FMO5: variants seen among roughly 807,000 people sequenced by gnomAD.
FMO5 encodes flavin containing dimethylaniline monoxygenase 5.
FMO5 carries 51 observed loss-of-function variants against 43.6 expected under a neutral mutation model. The observed-to-expected ratio is 1.17, with a 90% CI of 0.93 to 1.48. The LOEUF (loss-of-function observed/expected upper bound fraction) is 1.48, where lower values mean the gene tolerates loss of function less well. Among genes scored for constraint, FMO5 ranks in the 40% most tolerant of loss-of-function variants. The pLI is 0.00. For missense variants in FMO5, 644 were observed against 643.0 expected (o/e 1.00, Z -0.02); for synonymous variants, 187 against 216.5 (o/e 0.86, Z 1.20).
rs782502476 is a variant in FMO5 at position 147,201,392 on chromosome 1, C to T, written c.943G>A (p.Glu315Lys). The T allele has an allele frequency of 1.9e-6, 3 of 1,614,082 alleles. No homozygotes were observed. Among genetic ancestry groups the T allele is most frequent in the South Asian group, 1.1e-5 (1 of 91,082 alleles). ...ATGTCATCCTCCCTGGAGCCATCCT[C>T]AAATATGGCAGCTGTCTCCGTGAAT... ...KEFTETAAIF[E>K]DGSREDDIDA... Residue 315 changes from glutamate (E) to lysine (K), a missense_variant, in exon 7 of 9, where the codon GAG becomes AAG. Glu to Lys is a moderately conservative substitution (Grantham distance 56, BLOSUM62 1). Coordinates refer to ENST00000254090, the MANE Select transcript of FMO5 (RefSeq NM_001461.4).
intron 2 of FMO5, among the ~76,000 whole-genome samples, chr1:147,218,305 A>C (rs1662366759): frequency 6.6e-6 from 1 of 150,730 alleles, no homozygotes; most frequent in African/African-American, 2.4e-5. Context: ...GCACGATCTC[A>C]GCTCCCTGCA....
chr1:147,223,630 A>T, intron 2 of FMO5: 1 of 156,696 alleles, frequency 6.4e-6, no homozygotes. Context: ...AAGACAAAAA[A>T]GTTGTGAATC....
At chr1:147,217,132 C>CG (rs1368086327) in intron 2 of FMO5, among the ~76,000 whole-genome samples, 2 of 151,750 alleles carry the variant, frequency 1.3e-5, no homozygotes, top group African/African-American at 2.4e-5. Flanking sequence ...CCCAGCTAGT[C>CG]GGGGGGCTGA....
At chr1:147,225,361 T>G (rs888865706), upstream of FMO5, 2 of 290,708 alleles carry the variant, frequency 6.9e-6, no homozygotes, top group Non-Finnish European at 6.5e-6. Flanking sequence ...GTTGTCAAAT[T>G]ACTATAAACC....
chr1:147,208,794 A>G lies in FMO5; in HGVS notation c.830+58T>C, dbSNP rs782261764. ...GTGGCTTTACTATTAGCCAGTGTGA[A>G]GAGTCCTTATTCTTGTGCTTTGGCC... On this transcript the variant is annotated intron_variant, in intron 6 of 8. Transcript: ENST00000254090. 6.3e-6 allele frequency: 9 copies of G among 1,423,746 alleles called. No individual in the cohort carries two copies. In the Admixed American group the frequency reaches 1.2e-4, roughly 19 times the overall value. 88.2% of individuals were successfully genotyped at this position (1,423,746 alleles called of 1,614,324 possible). A position where few individuals can be genotyped will look rare whatever the true frequency, so the allele number is the denominator to read the frequency against.
At chr1:147,213,734 C>T (rs1553924362) in intron 3 of FMO5, among the ~76,000 whole-genome samples, 2 of 152,162 alleles carry the variant, frequency 1.3e-5, no homozygotes, top group African/African-American at 2.4e-5. Flanking sequence ...GTCTCTTGGT[C>T]CAGGTCCTAA....
chr1:147,189,394 AG>A (rs1553917937), intron 8 of FMO5, among the ~76,000 whole-genome samples: 1 of 152,122 alleles, frequency 6.6e-6, no homozygotes, highest in African/African-American at 2.4e-5. Flanking sequence ...GAAAGGAAGG[AG>A]GAAAATAGGA....
At chr1:147,218,487 C>T (rs147085239) in intron 2 of FMO5, among the ~76,000 whole-genome samples, 1,932 of 152,186 alleles carry the variant, frequency 0.013, 41 homozygotes, top group African/African-American at 0.045. Context: ...CCGCCCGCCT[C>T]AGCCTCCCAA....
At chr1:147,188,522 C>CAAAAAA (rs10552833) in intron 8 of FMO5, among the ~76,000 whole-genome samples, 14 of 61,220 alleles carry the variant, frequency 2.3e-4, no homozygotes, top group African/African-American at 3.8e-4. Context: ...GACCCCATAT[C>CAAAAAA]AAAAAAAAAA....
intron 4 of FMO5, 113 bp downstream of exon 4, chr1:147,213,195 A>G: frequency 1.2e-6 from 1 of 830,558 alleles, no homozygotes; most frequent in South Asian, 3.3e-5. Context: ...AATAATTAGG[A>G]TAAGTCTTAC....
rs2297754 is a variant in FMO5 at position 147,213,525 on chromosome 1, T to C, written c.325-55A>G. 4,925 of 1,489,132 alleles carry C rather than the reference T, an allele frequency of 3.3e-3. 84 individuals are homozygous for C. In the East Asian group the frequency reaches 0.037, roughly 11 times the overall value. 92.2% of individuals were successfully genotyped at this position (1,489,132 alleles called of 1,614,324 possible). Reference sequence around the variant, plus strand: ...CATCCCTGACATGACTCTCCTTGCATAGTGTTACACAAAGGGCTGATATCA... The same window carrying C: ...CATCCCTGACATGACTCTCCTTGCACAGTGTTACACAAAGGGCTGATATCA... On this transcript the variant is annotated intron_variant, in intron 3 of 8. Transcript: ENST00000254090.
chr1:147,194,193 G>A (rs1657487325), intron 7 of FMO5, among the ~76,000 whole-genome samples: 1 of 152,122 alleles, frequency 6.6e-6, no homozygotes, highest in South Asian at 2.1e-4. Flanking sequence ...GGGTGCTCCT[G>A]CATTGGGTGC....
chr1:147,191,620 C>T lies in FMO5; in HGVS notation c.1184-1371G>A, dbSNP rs868913003. On this transcript the variant is annotated intron_variant, in intron 7 of 8. Coordinates refer to ENST00000254090, the MANE Select transcript of FMO5 (RefSeq NM_001461.4). ...GATGAGTAGGTTGTGAAAATTTTTT[C>T]CCATTTTCTTGGTTGCCTGTTCACT... Among the ~76,000 whole-genome samples the T allele has an allele frequency of 2.8e-4, 42 of 151,280 alleles. No individual in the cohort carries two copies. In the Middle Eastern group the frequency reaches 0.014, roughly 49 times the overall value.
chr1:147,195,260 A>G (rs111873139), intron 7 of FMO5, among the ~76,000 whole-genome samples: 5,631 of 151,612 alleles, frequency 0.037, 158 homozygotes, highest in South Asian at 0.096. Context: ...CATTCCTTTC[A>G]TCTTCCATCA....
chr1:147,218,933 C>T (rs1462363824), intron 2 of FMO5, among the ~76,000 whole-genome samples: 1 of 152,204 alleles, frequency 6.6e-6, no homozygotes, highest in Non-Finnish European at 1.5e-5. Context: ...GCTCCCAAAA[C>T]TCTCTGTTCA....
intron 8 of FMO5, among the ~76,000 whole-genome samples, chr1:147,189,820 C>G (rs587739692): frequency 1.3e-5 from 2 of 152,298 alleles, no homozygotes; most frequent in Non-Finnish European, 2.9e-5. Context: ...ACCTCTCATT[C>G]ATTTACTGTC....
chr1:147,202,466 C>T (rs1659196731), intron 6 of FMO5, among the ~76,000 whole-genome samples: 1 of 151,850 alleles, frequency 6.6e-6, no homozygotes, highest in African/African-American at 2.4e-5. Flanking sequence ...ACTACAGGCA[C>T]CTGCCACCAT....
At chr1:147,201,623 T>C (rs1030082724) in intron 6 of FMO5, 119 bp from the exon 7 acceptor site, 3 of 707,864 alleles carry the variant, frequency 4.2e-6, no homozygotes, top group Non-Finnish European at 2.4e-6. Context: ...CCTTGGTCTA[T>C]GCATGAAGTT....
intron 3 of FMO5, among the ~76,000 whole-genome samples, chr1:147,214,458 A>C (rs587698738): frequency 0.42 from 812 of 1,916 alleles, 9 homozygotes; most frequent in African/African-American, 0.49. Context: ...CTGAAAAAAA[A>C]CAAAAAACAA....
Sources: gnomAD v4.1 joint callset for allele counts (sites outside exome capture counted in the v4.1 genomes callset) on GRCh38, gnomAD v4.1.1 for gene constraint, MANE v1.5 for transcripts, NCBI Gene and HGNC (gene_info 2026-07-23, HGNC 2026-07-21) for gene names.